The following ADAM7 variants were observed in gnomAD, a reference collection of about 807,000 sequenced individuals.
The protein encoded by ADAM7 is disintegrin and metalloproteinase domain-containing protein 7.
Under a neutral mutation model 102.9 loss-of-function variants are expected in ADAM7, and 97 were observed. The ratio of observed to expected loss-of-function variants is 0.94; its 90% CI spans 0.80 to 1.12. ADAM7 has a LOEUF of 1.12. ADAM7 is among the 50% of genes most tolerant of loss of function. ADAM7 has a pLI of 0.00. For synonymous variants in ADAM7, 334 were observed against 304.4 expected (o/e 1.10, Z -1.01); for missense variants, 991 against 908.7 (o/e 1.09, Z -1.16).
chr8:24,492,964 A>C (rs1350843773), intron 15 of ADAM7, 79 bp from the exon 16 acceptor site: 1 of 1,385,896 alleles, frequency 7.2e-7, no homozygotes, highest in Non-Finnish European at 9.6e-7. Context: ...AAAAAGAGTG[A>C]CCGGGAGGCT....
In ADAM7 at chr8:24,487,171, A is replaced by G; in HGVS notation, c.961-16A>G. ...CTAACTTTTGAAAATTTCTAATGCAATTGTTTTATCATCAGGATCTTTTAC... is the reference window on the plus strand; with the variant it reads ...CTAACTTTTGAAAATTTCTAATGCAGTTGTTTTATCATCAGGATCTTTTAC... On this transcript the variant is annotated splice_polypyrimidine_tract_variant and intron_variant, in intron 10 of 21. Coordinates refer to ENST00000175238, the MANE Select transcript of ADAM7 (RefSeq NM_003817.4). The G allele has an allele frequency of 6.2e-7, 1 of 1,612,082 alleles. No homozygotes were observed. The highest frequency in any genetic ancestry group is 1.1e-5 in the South Asian group (1 of 90,904).
At chr8:24,460,024 T>C (rs960947683) in intron 3 of ADAM7, among the ~76,000 whole-genome samples, 2 of 152,176 alleles carry the variant, frequency 1.3e-5, no homozygotes, top group Non-Finnish European at 1.5e-5. Flanking sequence ...GGATTTCTTC[T>C]TTGAGTCATG....
intron 8 of ADAM7, among the ~76,000 whole-genome samples, chr8:24,480,096 A>G (rs1819899585): frequency 6.6e-6 from 1 of 152,250 alleles, no homozygotes; most frequent in South Asian, 2.1e-4. Flanking sequence ...ATTACATCTC[A>G]TAGTCACTTC....
At chr8:24,447,683 A>G (rs1322350177) in intron 3 of ADAM7, among the ~76,000 whole-genome samples, 4 of 152,186 alleles carry the variant, frequency 2.6e-5, no homozygotes, top group Non-Finnish European at 5.9e-5. Context: ...TGCTTCGTCA[A>G]GACATCTTGT....
chr8:24,469,285 A>T (rs1399928424), intron 7 of ADAM7, among the ~76,000 whole-genome samples: 1 of 152,186 alleles, frequency 6.6e-6, no homozygotes, highest in Non-Finnish European at 1.5e-5. Flanking sequence ...CCTCTGCATT[A>T]TTCTCAGAGC....
rs1291190711 is a variant in ADAM7, at chr8:24,468,770, A to T, written c.583A>T (p.Ile195Phe). ...TGAATTTTCCCTAACTTTACAGGGCATCCATGATGAAAAGTATGTTGAATT... is the reference window on the plus strand; with the variant it reads ...TGAATTTTCCCTAACTTTACAGGGCTTCCATGATGAAAAGTATGTTGAATT... ...ESEEDSKIKG[I>F]HDEKYVELFI... is the part of the protein sequence containing the mutation. Residue 195 changes from isoleucine (I) to phenylalanine (F), a missense_variant, in exon 7 of 22, where the codon ATC (isoleucine) becomes TTC (phenylalanine). By Grantham distance (21) the Ile-to-Phe change is conservative. Transcript: ENST00000175238. 6.2e-7 allele frequency: 1 copy of T among 1,613,274 alleles called. No homozygotes were observed. The highest frequency in any genetic ancestry group is 1.7e-5 in the Admixed American group (1 of 60,004).
intron 10 of ADAM7, among the ~76,000 whole-genome samples, chr8:24,486,786 C>T (rs1820159289): frequency 6.6e-6 from 1 of 152,052 alleles, no homozygotes; most frequent in Non-Finnish European, 1.5e-5. Context: ...ACTTACTCAC[C>T]TTCCAAAGAC....
intron 16 of ADAM7, among the ~76,000 whole-genome samples, chr8:24,496,352 A>G (rs918054488): frequency 6.6e-6 from 1 of 152,200 alleles, no homozygotes; most frequent in African/African-American, 2.4e-5. Context: ...GGCAGTGTAG[A>G]TGAGAAATGT....
At position 24,504,915 on chromosome 8, in the gene ADAM7, G is replaced by A. The variant is rs1014715880; in HGVS notation, c.2209-2565G>A. On this transcript the variant is annotated intron_variant, in intron 20 of 21. Coordinates refer to ENST00000175238, the MANE Select transcript of ADAM7 (RefSeq NM_003817.4). The stretch of plus-strand genomic sequence containing the variant: ...TTTATTATGCCAGATGTGATTCCAA[G>A]AAGGTAAAACCAAGTCTTAATTGTC... 3.9e-5 allele frequency among the ~76,000 whole-genome samples: 6 copies of A among 152,184 alleles called. No individual in the cohort carries two copies. In the East Asian group the frequency reaches 9.7e-4, roughly 25 times the overall value.
At chr8:24,497,102 G>C (rs112557038) in intron 16 of ADAM7, among the ~76,000 whole-genome samples, 2,058 of 152,260 alleles carry the variant, frequency 0.014, 40 homozygotes, top group African/African-American at 0.046. Context: ...AGTCTCATGA[G>C]ATCTGATGGT....
chr8:24,493,121 T>C lies in ADAM7; in HGVS notation c.1734T>C (p.Leu578=). The change falls in exon 16 of 22, where the codon CTT becomes CTC. Residue 578 remains leucine, a synonymous_variant. Transcript: ENST00000175238. The part of the protein sequence containing the change: ...SLLGEDKTYH[L]KDPQKNATVK... ...TTGGAGAAGACAAGACTTATCACCT[T>C]AAGGATCCCCAGAAGAATGCTACTG... The C allele has an allele frequency of 6.2e-7, 1 of 1,613,438 alleles. No individual in the cohort carries two copies. The highest frequency in any genetic ancestry group is 8.5e-7 in the Non-Finnish European group (1 of 1,179,618).
At chr8:24,458,334 T>G (rs1585866525) in intron 3 of ADAM7, among the ~76,000 whole-genome samples, 2 of 152,308 alleles carry the variant, frequency 1.3e-5, no homozygotes, top group Non-Finnish European at 2.9e-5. Flanking sequence ...ACTTTAATGT[T>G]TATCAACATC....
At chr8:24,441,594 C>A (rs1332690084) in intron 1 of ADAM7, among the ~76,000 whole-genome samples, 1 of 152,076 alleles carries the variant, frequency 6.6e-6, no homozygotes, top group Non-Finnish European at 1.5e-5. Context: ...AAACCCCATG[C>A]CCTCTCCTTT....
At chr8:24,502,254 T>C (rs151282527) in intron 20 of ADAM7, among the ~76,000 whole-genome samples, 2,269 of 152,172 alleles carry the variant, frequency 0.015, 58 homozygotes, top group African/African-American at 0.052. Flanking sequence ...TGCCAAAACA[T>C]GCAGGTGTAG....
chr8:24,472,471 A>G (rs1190199383), intron 7 of ADAM7, among the ~76,000 whole-genome samples: 1 of 152,078 alleles, frequency 6.6e-6, no homozygotes, highest in Non-Finnish European at 1.5e-5. Flanking sequence ...CTAAAAGACT[A>G]TTGGTTTGGA....
chr8:24,501,433 G>T lies in ADAM7; in HGVS notation c.2109-44G>T, dbSNP rs777306731. On this transcript the variant is annotated intron_variant, in intron 19 of 21. Coordinates refer to ENST00000175238, the MANE Select transcript of ADAM7 (RefSeq NM_003817.4). ...CATGAAGAAATAAATAACCTGAATA[G>T]CCCTATATCTAATAAATTAGTTGTT... 5.0e-6 allele frequency: 7 copies of T among 1,398,548 alleles called. No homozygotes were observed. The Admixed American group carries it at 1.4e-4, about 28-fold the overall frequency. The allele number at this position is 1,398,548 out of a possible 1,614,324, so 86.6% of individuals were successfully genotyped here.
intron 1 of ADAM7, among the ~76,000 whole-genome samples, chr8:24,441,969 T>G (rs906043312): frequency 9.2e-5 from 14 of 151,434 alleles, no homozygotes; most frequent in Non-Finnish European, 1.6e-4. Flanking sequence ...AGGTCAGGAG[T>G]TTGAGACTAG....
chr8:24,488,087 A>C (rs1266936221), intron 11 of ADAM7, among the ~76,000 whole-genome samples: 1 of 152,130 alleles, frequency 6.6e-6, no homozygotes, highest in Non-Finnish European at 1.5e-5. Context: ...TCTTCTCTTT[A>C]GTACTTATTA....
At chr8:24,500,394 T>A in intron 18 of ADAM7, 138 bp downstream of exon 18, 1 of 714,004 alleles carries the variant, frequency 1.4e-6, no homozygotes, top group Non-Finnish European at 2.3e-6. Flanking sequence ...TGTGCATGAA[T>A]ACCCAAATTG....
Sources: gnomAD v4.1 joint callset for allele counts (sites outside exome capture counted in the v4.1 genomes callset) on GRCh38, gnomAD v4.1.1 for gene constraint, MANE v1.5 for transcripts, NCBI Gene and HGNC (gene_info 2026-07-23, HGNC 2026-07-21) for gene names.